Variants in POU6F2 observed in about 807,000 individuals in gnomAD.
POU6F2 encodes POU class 6 homeobox 2.
Under a neutral mutation model 71.3 loss-of-function variants are expected in POU6F2, and 31 were observed. That is an observed-to-expected ratio of 0.43 (90% confidence interval 0.33 to 0.59). The LOEUF (loss-of-function observed/expected upper bound fraction) is 0.59, where lower values mean the gene tolerates loss of function less well. POU6F2 is among the 20% of genes least tolerant of loss of function. POU6F2 has a pLI of 0.04. For missense variants in POU6F2, 783 were observed against 856.8 expected (o/e 0.91, Z 1.07); for synonymous variants, 347 against 355.7 (o/e 0.98, Z 0.27).
intron 4 of POU6F2, among the ~76,000 whole-genome samples, chr7:39,259,250 G>A (rs978429773): frequency 6.6e-6 from 1 of 152,030 alleles, no homozygotes; most frequent in Non-Finnish European, 1.5e-5. Flanking sequence ...GTTCTCTATC[G>A]AGAAAAAAAT....
chr7:39,353,923 C>T (rs1786199571), intron 5 of POU6F2, among the ~76,000 whole-genome samples: 1 of 152,202 alleles, frequency 6.6e-6, no homozygotes, highest in Admixed American at 6.5e-5. Context: ...ATCATAATGT[C>T]GGGTTACAGC....
chr7:39,291,896 TA>T (rs1441897358), intron 4 of POU6F2, among the ~76,000 whole-genome samples: 7 of 152,072 alleles, frequency 4.6e-5, no homozygotes, highest in Non-Finnish European at 1.0e-4. Context: ...CATAAAGAAT[TA>T]TAGCTCTGCC....
intron 2 of POU6F2, among the ~76,000 whole-genome samples, chr7:39,157,272 A>G (rs1034358256): frequency 1.3e-4 from 20 of 152,250 alleles, no homozygotes; most frequent in African/African-American, 3.4e-4. Context: ...AAAGATTTCA[A>G]TTTCAATAAA....
At chr7:39,031,261 C>T (rs1409797826) in intron 1 of POU6F2, among the ~76,000 whole-genome samples, 2 of 152,056 alleles carry the variant, frequency 1.3e-5, no homozygotes, top group African/African-American at 4.8e-5. Flanking sequence ...TTTATACTAA[C>T]TGTAAAGATG....
At chr7:39,201,749 C>T (rs3924710) in intron 2 of POU6F2, among the ~76,000 whole-genome samples, 56,671 of 152,020 alleles carry the variant, frequency 0.37, 10,892 homozygotes, top group South Asian at 0.49. Context: ...ATGTCAAATT[C>T]TCTGCAAACG....
intron 1 of POU6F2, among the ~76,000 whole-genome samples, chr7:38,982,618 T>C (rs1788351985): frequency 6.6e-6 from 1 of 152,088 alleles, no homozygotes; most frequent in South Asian, 2.1e-4. Flanking sequence ...TAAAGTCAAT[T>C]TTGTCCATTT....
intron 2 of POU6F2, among the ~76,000 whole-genome samples, chr7:39,105,968 A>G (rs535394193): frequency 6.6e-6 from 1 of 152,262 alleles, no homozygotes; most frequent in South Asian, 2.1e-4. Flanking sequence ...GTACCAGAAC[A>G]TGTTAAGCTC....
chr7:38,985,677 A>G (rs1788445687), intron 1 of POU6F2, among the ~76,000 whole-genome samples: 1 of 152,126 alleles, frequency 6.6e-6, no homozygotes, highest in Non-Finnish European at 1.5e-5. Context: ...ATATCAGCAG[A>G]TGGTGTTCCA....
chr7:39,108,575 G>A (rs1381675294), intron 2 of POU6F2, among the ~76,000 whole-genome samples: 1 of 152,106 alleles, frequency 6.6e-6, no homozygotes, highest in Non-Finnish European at 1.5e-5. Flanking sequence ...AGCCTAGGCT[G>A]GTTGTGTACA....
Position 39,219,011 on chromosome 7 carries a change from G to C in POU6F2, c.598+11391G>C, listed in dbSNP as rs1050569202. ...AAGGAGCACCATTCTTCAAGCCCTG[G>C]AAGAGGAAGGGACAGGCACAATGGA... On this transcript the variant is annotated intron_variant, in intron 4 of 9. Coordinates refer to ENST00000518318, the MANE Select transcript of POU6F2 (RefSeq NM_001370959.1). Among the ~76,000 whole-genome samples, 5 of 152,150 alleles carry C rather than the reference G, an allele frequency of 3.3e-5. 1 individual carries two copies. Among genetic ancestry groups the C allele is most frequent in the Admixed American group, 3.3e-4 (5 of 15,264 alleles).
chr7:39,268,188 A>ATTGACTGTGATT (rs1274099415), intron 4 of POU6F2, among the ~76,000 whole-genome samples: 1 of 152,178 alleles, frequency 6.6e-6, no homozygotes, highest in Non-Finnish European at 1.5e-5. Context: ...ACGTGCCCAG[A>ATTGACTGTGATT]TTGACTGTGA....
intron 5 of POU6F2, among the ~76,000 whole-genome samples, chr7:39,381,361 T>C (rs951751761): frequency 1.4e-4 from 22 of 152,162 alleles, no homozygotes; most frequent in Non-Finnish European, 1.5e-5. Flanking sequence ...CTTCAGCTTC[T>C]TGAGTAGCTG....
At chr7:39,172,706 G>C (rs1001669105) in intron 2 of POU6F2, among the ~76,000 whole-genome samples, 1 of 150,756 alleles carries the variant, frequency 6.6e-6, no homozygotes, top group Non-Finnish European at 1.5e-5. Context: ...CTGCAACCTC[G>C]ACCTCCCCGG....
chr7:39,020,882 T>G (rs565478302), intron 1 of POU6F2, among the ~76,000 whole-genome samples: 59 of 152,190 alleles, frequency 3.9e-4, no homozygotes, highest in African/African-American at 1.4e-3. Context: ...AGCTATACTT[T>G]GATAGTAATA....
chr7:39,156,321 A>T (rs964333858), intron 2 of POU6F2, among the ~76,000 whole-genome samples: 1 of 152,180 alleles, frequency 6.6e-6, no homozygotes, highest in Non-Finnish European at 1.5e-5. Context: ...GCAAGTGTTC[A>T]TTGACTTTTG....
At chr7:39,317,507 T>C (rs1785293942) in intron 4 of POU6F2, among the ~76,000 whole-genome samples, 1 of 152,218 alleles carries the variant, frequency 6.6e-6, no homozygotes, top group African/African-American at 2.4e-5. Context: ...GTTTTAATAA[T>C]TTATGGTCAA....
intron 6 of POU6F2, among the ~76,000 whole-genome samples, chr7:39,432,623 G>T (rs761138205): frequency 2.0e-5 from 3 of 152,168 alleles, no homozygotes; most frequent in Non-Finnish European, 4.4e-5. Context: ...TGTTGGTGGA[G>T]GGAAGGAGGC....
chr7:39,004,399 TAGA>T (rs1242355445), intron 1 of POU6F2, among the ~76,000 whole-genome samples: 2 of 152,218 alleles, frequency 1.3e-5, no homozygotes, highest in Non-Finnish European at 2.9e-5. Flanking sequence ...TGATAGACAA[TAGA>T]AGATTTTCCT....
At chr7:38,995,148 A>T (rs929978252) in intron 1 of POU6F2, among the ~76,000 whole-genome samples, 1 of 152,212 alleles carries the variant, frequency 6.6e-6, no homozygotes. Context: ...CTTGTGTTTT[A>T]AAAAGGGATC....
Sources: allele counts gnomAD v4.1 joint callset (sites outside exome capture counted in the v4.1 genomes callset), GRCh38; gene constraint gnomAD v4.1.1; transcripts MANE v1.5; gene names NCBI Gene and HGNC (gene_info 2026-07-23, HGNC 2026-07-21).